Variants in CRB1 observed in about 807,000 individuals in gnomAD.
CRB1 encodes protein crumbs homolog 1.
Under a neutral mutation model 120.0 loss-of-function variants are expected in CRB1, and 83 were observed. The observed-to-expected ratio is 0.69, with a 90% CI of 0.58 to 0.83. CRB1 has a LOEUF of 0.83. Among genes scored for constraint, CRB1 ranks in the 40% least tolerant of loss-of-function variants. CRB1 has a pLI of 0.00. For synonymous variants in CRB1, 625 were observed against 612.5 expected (o/e 1.02, Z -0.30); for missense variants, 1,699 against 1,687.6 (o/e 1.01, Z -0.12).
intron 1 of CRB1, among the ~76,000 whole-genome samples, chr1:197,302,183 G>T (rs542907667): frequency 8.5e-5 from 13 of 152,280 alleles, no homozygotes; most frequent in African/African-American, 3.1e-4. Context: ...CCATCACCCT[G>T]ATCAGTCAGC....
At chr1:197,470,258 C>A (rs866228394) in intron 11 of CRB1, among the ~76,000 whole-genome samples, 37 of 152,248 alleles carry the variant, frequency 2.4e-4, no homozygotes, top group Admixed American at 2.6e-4. Context: ...GCAGGATACA[C>A]ACAAAAACTC....
At chr1:197,275,302 A>G (rs964183088) in intron 1 of CRB1, among the ~76,000 whole-genome samples, 4 of 152,062 alleles carry the variant, frequency 2.6e-5, no homozygotes, top group Non-Finnish European at 5.9e-5. Flanking sequence ...AATTCAACCT[A>G]TAACATCTAC....
At chr1:197,423,817 A>G (rs1664450598) in intron 6 of CRB1, among the ~76,000 whole-genome samples, 1 of 152,226 alleles carries the variant, frequency 6.6e-6, no homozygotes, top group Non-Finnish European at 1.5e-5. Flanking sequence ...AACACAAAAG[A>G]CATAGTGATT....
At chr1:197,215,275 A>ATTT in the CRB1 span, among the ~76,000 whole-genome samples, 4 of 131,054 alleles carry the variant, frequency 3.1e-5, no homozygotes, top group Non-Finnish European at 1.6e-5. Context: ...CCAGTGGGAG[A>ATTT]TTTTTTTTTT....
chr1:197,302,204 A>C (rs528989377), intron 1 of CRB1, among the ~76,000 whole-genome samples: 2 of 152,348 alleles, frequency 1.3e-5, no homozygotes, highest in East Asian at 3.9e-4. Flanking sequence ...AGCTGTCAAC[A>C]TGGAGGCAAG....
Position 197,424,745 on chromosome 1 carries a change from A to G in CRB1, c.2129-2709A>G, listed in dbSNP as rs542958431. 2.6e-5 allele frequency among the ~76,000 whole-genome samples: 4 copies of G among 152,334 alleles called. No homozygotes were observed. The South Asian group carries it at 6.2e-4, about 24-fold the overall frequency. On this transcript the variant is annotated intron_variant, in intron 6 of 11. Coordinates refer to ENST00000367400, the MANE Select transcript of CRB1 (RefSeq NM_201253.3). ...TCCCACTCTAATCTTATAAACGCAC[A>G]TTTAGATCGAAGTGGCTCTTATTTA... is the stretch of plus-strand genomic sequence containing the variant.
At chr1:197,459,673 A>T (rs1443098958) in intron 11 of CRB1, among the ~76,000 whole-genome samples, 3 of 152,150 alleles carry the variant, frequency 2.0e-5, no homozygotes, top group Non-Finnish European at 4.4e-5. Flanking sequence ...GGACATAAAC[A>T]TTCAGACCAT....
rs753331276 is a variant in CRB1 at position 197,435,397 on chromosome 1, C to T, written c.3534C>T (p.Ile1178=). 53 of 1,606,638 alleles carry T rather than the reference C, an allele frequency of 3.3e-5. No homozygotes were observed. The highest frequency in any genetic ancestry group is 4.2e-5 in the Non-Finnish European group (49 of 1,175,830). The change falls in exon 9 of 12, where the codon ATC becomes ATT. Residue 1178 remains isoleucine, a synonymous_variant. Coordinates refer to ENST00000367400, the MANE Select transcript of CRB1 (RefSeq NM_201253.3). ...CAGGGAAACACTGTGAACTCAACATCGATGAATGCTTTTCAAACCCCTGTA... is the reference window on the plus strand; with the variant it reads ...CAGGGAAACACTGTGAACTCAACATTGATGAATGCTTTTCAAACCCCTGTA... The part of the protein sequence containing the change: ...GWSGKHCELN[I]DECFSNPCIH...
the CRB1 span, among the ~76,000 whole-genome samples, chr1:197,231,146 C>A: frequency 6.6e-6 from 1 of 152,046 alleles, no homozygotes; most frequent in South Asian, 2.1e-4. Context: ...ATTATAGCTT[C>A]TTTATTACAT....
At chr1:197,390,554 A>T (rs1274613505) in intron 5 of CRB1, among the ~76,000 whole-genome samples, 2 of 152,062 alleles carry the variant, frequency 1.3e-5, no homozygotes, top group African/African-American at 4.8e-5. Flanking sequence ...CCAGGGCTCC[A>T]AGGTTTGACC....
At chr1:197,224,077 A>G in the CRB1 span, among the ~76,000 whole-genome samples, 1 of 152,044 alleles carries the variant, frequency 6.6e-6, no homozygotes, top group Non-Finnish European at 1.5e-5. Context: ...TCATGTCTAT[A>G]AAGACTGACA....
chr1:197,472,800 C>A (rs1448090338), intron 11 of CRB1, among the ~76,000 whole-genome samples: 1 of 152,130 alleles, frequency 6.6e-6, no homozygotes, highest in African/African-American at 2.4e-5. Context: ...TCCTTGTTCA[C>A]AAGGATGGCC....
At chr1:197,403,374 C>A (rs1255633493) in intron 5 of CRB1, among the ~76,000 whole-genome samples, 2 of 152,142 alleles carry the variant, frequency 1.3e-5, no homozygotes, top group Non-Finnish European at 2.9e-5. Flanking sequence ...CCACTTCTTG[C>A]CATTGATCCA....
At chr1:197,304,459 GA>G (rs1657052416) in intron 1 of CRB1, 1 of 822,552 alleles carries the variant, frequency 1.2e-6, no homozygotes, top group Non-Finnish European at 1.5e-6. Flanking sequence ...TAACCTCTAT[GA>G]TTTTCATATT....
chr1:197,403,808 C>G (rs1337764874), intron 5 of CRB1, among the ~76,000 whole-genome samples: 1 of 152,138 alleles, frequency 6.6e-6, no homozygotes, highest in Non-Finnish European at 1.5e-5. Context: ...CTGCCCCGCT[C>G]TTCCCCACAT....
At chr1:197,381,583 A>G (rs1319778383) in intron 5 of CRB1, among the ~76,000 whole-genome samples, 1 of 152,224 alleles carries the variant, frequency 6.6e-6, no homozygotes, top group Non-Finnish European at 1.5e-5. Context: ...TGTTCTTTGT[A>G]GTAAATTCTC....
intron 1 of CRB1, among the ~76,000 whole-genome samples, chr1:197,310,663 T>C (rs1336277393): frequency 6.6e-6 from 1 of 151,994 alleles, no homozygotes; most frequent in Non-Finnish European, 1.5e-5. Context: ...ATATAGAAAA[T>C]TCAGTGAATA....
At chr1:197,302,281 T>C (rs1221801148) in intron 1 of CRB1, among the ~76,000 whole-genome samples, 1 of 152,188 alleles carries the variant, frequency 6.6e-6, no homozygotes, top group East Asian at 1.9e-4. Flanking sequence ...TTTTTAGCAA[T>C]ACAGGTTTTT....
At chr1:197,296,503 C>T (rs1177983067) in intron 1 of CRB1, among the ~76,000 whole-genome samples, 1 of 151,922 alleles carries the variant, frequency 6.6e-6, no homozygotes. Flanking sequence ...TGCTACAGAT[C>T]CAGAAGTCAG....
Sources: gnomAD v4.1 joint callset for allele counts (sites outside exome capture counted in the v4.1 genomes callset) on GRCh38, gnomAD v4.1.1 for gene constraint, MANE v1.5 for transcripts, NCBI Gene and HGNC (gene_info 2026-07-23, HGNC 2026-07-21) for gene names.